The following GRIA1 variants were observed in gnomAD, a reference collection of about 807,000 sequenced individuals.
GRIA1 encodes the protein glutamate ionotropic receptor AMPA type subunit 1.
GRIA1 carries 31 observed loss-of-function variants against 99.2 expected under a neutral mutation model. That is an observed-to-expected ratio of 0.31 (90% CI 0.23 to 0.42). The LOEUF (loss-of-function observed/expected upper bound fraction) is 0.42. Among genes scored for constraint, GRIA1 ranks in the 10% least tolerant of loss-of-function variants. The probability of loss-of-function intolerance (pLI) is 1.00; values close to 1 mark genes in which losing one functional copy is unlikely to be tolerated. For synonymous variants in GRIA1, 438 were observed against 432.4 expected (o/e 1.01, Z -0.16); for missense variants, 782 against 1,157.5 (o/e 0.68, Z 4.71).
At chr5:153,519,387 T>A (rs1053412526) in intron 2 of GRIA1, among the ~76,000 whole-genome samples, 5 of 151,922 alleles carry the variant, frequency 3.3e-5, no homozygotes, top group African/African-American at 1.2e-4. Context: ...CTGAAGATGC[T>A]CACCAAAGTT....
chr5:153,594,827 G>T (rs1764289617), intron 2 of GRIA1, among the ~76,000 whole-genome samples: 1 of 151,784 alleles, frequency 6.6e-6, no homozygotes, highest in South Asian at 2.1e-4. Flanking sequence ...GGCTGAAAAA[G>T]AGGGATTACC....
intron 13 of GRIA1, among the ~76,000 whole-genome samples, chr5:153,772,885 C>T (rs1763973660): frequency 6.6e-6 from 1 of 152,140 alleles, no homozygotes; most frequent in Non-Finnish European, 1.5e-5. Flanking sequence ...CACATAAATA[C>T]ATGGATGTGA....
At chr5:153,761,793 T>C (rs1763199948) in intron 11 of GRIA1, among the ~76,000 whole-genome samples, 1 of 152,146 alleles carries the variant, frequency 6.6e-6, no homozygotes, top group Non-Finnish European at 1.5e-5. Flanking sequence ...ATGAATAGAT[T>C]TTTAAAAAAG....
chr5:153,706,125 T>TTTGC (rs1758876722), intron 11 of GRIA1, 58 bp downstream of exon 11: 1 of 1,497,450 alleles, frequency 6.7e-7, no homozygotes, highest in African/African-American at 1.4e-5. Context: ...TGTTTGTTTG[T>TTTGC]TTGTTTGTTT....
rs187045968 is a variant in GRIA1 at position 153,792,846 on chromosome 5, G to A, written c.2271-1775G>A. Among the ~76,000 whole-genome samples the A allele has an allele frequency of 5.8e-4, 89 of 152,288 alleles. 1 individual carries two copies. The highest frequency in any genetic ancestry group is 3.4e-3 in the Middle Eastern group (1 of 294). ...ATAAAGGTACCTAAAAGACTAAAGAGTGCATTTCTGGGATCTGTTAATGGA... is the reference window on the plus strand; with the variant it reads ...ATAAAGGTACCTAAAAGACTAAAGAATGCATTTCTGGGATCTGTTAATGGA... On this transcript the variant is annotated intron_variant, in intron 13 of 15. Transcript: ENST00000285900.
In GRIA1 at chr5:153,606,643, A is replaced by G. The variant is rs1017565392; in HGVS notation, c.221-40285A>G. Among the ~76,000 whole-genome samples, 5 of 151,850 alleles carry G rather than the reference A, an allele frequency of 3.3e-5. No individual in the cohort carries two copies. The East Asian group carries it at 9.6e-4, about 29-fold the overall frequency. ...TTTTGTAGGTATTCAATGTTTTTTG[A>G]TATTATAAAAAGTGTTCTTAAAATA... On this transcript the variant is annotated intron_variant, in intron 2 of 15. Transcript: ENST00000285900.
chr5:153,692,767 T>C (rs1213496413), intron 8 of GRIA1, among the ~76,000 whole-genome samples: 1 of 152,176 alleles, frequency 6.6e-6, no homozygotes, highest in Non-Finnish European at 1.5e-5. Context: ...GCCTAGAATA[T>C]ACTGAAACAG....
chr5:153,579,466 G>A (rs1162133665), intron 2 of GRIA1, among the ~76,000 whole-genome samples: 1 of 152,114 alleles, frequency 6.6e-6, no homozygotes, highest in East Asian at 1.9e-4. Flanking sequence ...TTAGAACTGG[G>A]CACTTCTTCA....
chr5:153,763,197 G>A (rs1763295530), intron 11 of GRIA1, among the ~76,000 whole-genome samples: 2 of 152,192 alleles, frequency 1.3e-5, no homozygotes, highest in Admixed American at 6.5e-5. Context: ...TCAAGGTAAA[G>A]TGAAGTGTCA....
chr5:153,601,097 G>A (rs966715410), intron 2 of GRIA1, among the ~76,000 whole-genome samples: 4 of 152,210 alleles, frequency 2.6e-5, no homozygotes, highest in Non-Finnish European at 5.9e-5. Flanking sequence ...TGGATGAACA[G>A]AATGATGATA....
intron 2 of GRIA1, among the ~76,000 whole-genome samples, chr5:153,582,951 C>T (rs185745501): frequency 1.4e-3 from 220 of 152,222 alleles, no homozygotes; most frequent in Non-Finnish European, 2.4e-3. Flanking sequence ...GGGTGTGCCA[C>T]CATGCCCAGC....
chr5:153,613,246 TTC>T (rs1766162101), intron 2 of GRIA1, among the ~76,000 whole-genome samples: 1 of 152,222 alleles, frequency 6.6e-6, no homozygotes, highest in South Asian at 2.1e-4. Context: ...AGCATTTCAA[TTC>T]CTCAACACCA....
intron 2 of GRIA1, among the ~76,000 whole-genome samples, chr5:153,539,414 T>C (rs902624335): frequency 2.6e-5 from 4 of 152,236 alleles, no homozygotes; most frequent in African/African-American, 9.6e-5. Flanking sequence ...TTTCACTTAA[T>C]AGCAGGAATA....
chr5:153,491,341 G>A, intron 1 of GRIA1: 1 of 1,132,512 alleles, frequency 8.8e-7, no homozygotes, highest in Non-Finnish European at 1.1e-6. Context: ...ATGTAAGTAT[G>A]TATGGTGTGT....
intron 11 of GRIA1, among the ~76,000 whole-genome samples, chr5:153,723,106 T>C (rs1358457199): frequency 6.6e-6 from 1 of 152,198 alleles, no homozygotes; most frequent in Non-Finnish European, 1.5e-5. Flanking sequence ...AGAAATTGCA[T>C]TTCAAATGAG....
At chr5:153,696,420 C>A (rs1182703711) in intron 8 of GRIA1, among the ~76,000 whole-genome samples, 1 of 152,208 alleles carries the variant, frequency 6.6e-6, no homozygotes, top group Non-Finnish European at 1.5e-5. Flanking sequence ...CCAGGACAAG[C>A]TCAACCACTT....
At chr5:153,678,874 A>T (rs966191119) in intron 7 of GRIA1, among the ~76,000 whole-genome samples, 2 of 152,152 alleles carry the variant, frequency 1.3e-5, no homozygotes, top group Non-Finnish European at 2.9e-5. Context: ...TGAAACATTC[A>T]CTTAGCTCTC....
intron 2 of GRIA1, among the ~76,000 whole-genome samples, chr5:153,633,233 G>A (rs1312966766): frequency 6.6e-6 from 1 of 152,138 alleles, no homozygotes; most frequent in Non-Finnish European, 1.5e-5. Flanking sequence ...TAGTATACAT[G>A]TTCCTGTGCC....
Position 153,770,349 on chromosome 5 carries a change from T to A in GRIA1, c.2204T>A (p.Met735Lys). The A allele has an allele frequency of 6.2e-7, 1 of 1,613,900 alleles. No homozygotes were observed. The highest frequency in any genetic ancestry group is 8.5e-7 in the Non-Finnish European group (1 of 1,179,870). Residue 735 changes from methionine (M) to lysine (K), a missense_variant, in exon 13 of 16, where the codon ATG (methionine) becomes AAG (lysine). Met to Lys is a moderately conservative substitution (Grantham distance 95). This residue lies in a region of GRIA1 where 119 missense variants were observed against 326.6 expected (regional missense o/e 0.36). Coordinates refer to ENST00000285900, the MANE Select transcript of GRIA1 (RefSeq NM_000827.4). Reference protein sequence around the residue: ...YIEQRKPCDTMKVGGNLDSKG... With the variant: ...YIEQRKPCDTKKVGGNLDSKG... ...GAGCAGCGGAAACCCTGTGACACCA[T>A]GAAGGTGGGAGGTAACTTGGATTCC... is the stretch of plus-strand genomic sequence containing the variant.
Sources: gnomAD v4.1 joint callset for allele counts (sites outside exome capture counted in the v4.1 genomes callset) on GRCh38, gnomAD v4.1.1 for gene constraint, gnomAD v4.1.1 regional missense constraint, MANE v1.5 for transcripts, NCBI Gene and HGNC (gene_info 2026-07-23, HGNC 2026-07-21) for gene names.